The following KSR1 variants were observed in gnomAD, a reference collection of about 807,000 sequenced individuals.
KSR1 encodes kinase suppressor of ras.
Under a neutral mutation model 92.9 loss-of-function variants are expected in KSR1, and 35 were observed. That is an observed-to-expected ratio of 0.38 (90% CI 0.29 to 0.50). The LOEUF (loss-of-function observed/expected upper bound fraction) is 0.50, where lower values mean the gene tolerates loss of function less well. Among genes scored for constraint, KSR1 ranks in the 20% least tolerant of loss-of-function variants. The probability of loss-of-function intolerance (pLI) is 0.94; values close to 1 mark genes in which losing one functional copy is unlikely to be tolerated. For synonymous variants in KSR1, 467 were observed against 472.6 expected, an observed-to-expected ratio of 0.99 and a Z score of 0.15; for missense variants, 972 against 1,158.5, an observed-to-expected ratio of 0.84 and a Z score of 2.34.
At chr17:27,597,461 G>A (rs748840122) in intron 10 of KSR1, 25 bp downstream of exon 10, 4 of 1,577,450 alleles carry the variant, frequency 2.5e-6, no homozygotes, top group East Asian at 2.2e-5. Context: ...GGCTTTTCTG[G>A]GTTCTAAGGG....
chr17:27,468,803 G>A (rs994114998), intron 1 of KSR1, among the ~76,000 whole-genome samples: 3 of 152,032 alleles, frequency 2.0e-5, no homozygotes, highest in Non-Finnish European at 4.4e-5. Context: ...GTCCCCCGCC[G>A]CACCTGAAAC....
chr17:27,606,390 C>A (rs905741341), intron 14 of KSR1, among the ~76,000 whole-genome samples: 2 of 152,236 alleles, frequency 1.3e-5, no homozygotes, highest in African/African-American at 4.8e-5. Context: ...GTTAACATTC[C>A]TTCTGTTAAA....
chr17:27,584,008 T>C, intron 4 of KSR1: 1 of 979,974 alleles, frequency 1.0e-6, no homozygotes, highest in Non-Finnish European at 1.2e-6. Flanking sequence ...ATTATTTCGT[T>C]GTATAGTTTA....
chr17:27,580,270 A>G (rs2072698579), intron 3 of KSR1, among the ~76,000 whole-genome samples: 1 of 152,202 alleles, frequency 6.6e-6, no homozygotes, highest in Non-Finnish European at 1.5e-5. Context: ...AGGCCAGTCT[A>G]TGAGCTACAG....
At chr17:27,475,585 C>T (rs2068316873) in intron 1 of KSR1, among the ~76,000 whole-genome samples, 1 of 152,202 alleles carries the variant, frequency 6.6e-6, no homozygotes, top group African/African-American at 2.4e-5. Flanking sequence ...CATGCTGGCA[C>T]CTGCCCGGTA....
intron 1 of KSR1, chr17:27,526,810 G>T: frequency 2.1e-6 from 2 of 933,952 alleles, no homozygotes; most frequent in Non-Finnish European, 3.3e-6. Context: ...GGGCCGTGGC[G>T]TGGTATTTGG....
chr17:27,541,243 A>G (rs1375739514), intron 1 of KSR1, among the ~76,000 whole-genome samples: 1 of 152,238 alleles, frequency 6.6e-6, no homozygotes, highest in Non-Finnish European at 1.5e-5. Context: ...TGCACCTGCC[A>G]CAGGAGGACT....
chr17:27,614,086 G>A (rs1296658752), intron 18 of KSR1, among the ~76,000 whole-genome samples: 3 of 152,238 alleles, frequency 2.0e-5, no homozygotes, highest in Non-Finnish European at 4.4e-5. Context: ...ACAGGCATGA[G>A]CCCCCATGCC....
intron 1 of KSR1, among the ~76,000 whole-genome samples, chr17:27,465,966 G>A (rs763545949): frequency 1.4e-4 from 21 of 152,242 alleles, no homozygotes; most frequent in Non-Finnish European, 2.9e-4. Flanking sequence ...GCTCAGTGCA[G>A]CCTTTCTGTA....
At chr17:27,563,980 G>GTTTTTTTTTTTTTTTTTTTTTTTT (rs1567832073) in intron 2 of KSR1, among the ~76,000 whole-genome samples, 1 of 82,654 alleles carries the variant, frequency 1.2e-5, no homozygotes. Flanking sequence ...GTATTCGGTA[G>GTTTTTTTTTTTTTTTTTTTTTTTT]CTTTTTTTTT....
Position 27,588,524 on chromosome 17 carries a change from G to A in KSR1, c.1035G>A (p.Ser345=), listed in dbSNP as rs183240303. 119 of 1,592,248 alleles carry A rather than the reference G, an allele frequency of 7.5e-5. No individual in the cohort carries two copies. Among genetic ancestry groups the A allele is most frequent in the African/African-American group, 5.6e-4 (42 of 74,692 alleles). ...PQMVRRDIGL[S]VTHRFSTKSW... ...TGGTACGGAGGGATATCGGGCTGTC[G>A]GTGACGCACAGGTAGGCACAGCGGG... The change falls in exon 6 of 21, where the codon TCG becomes TCA. Residue 345 remains serine, a synonymous_variant. Transcript: ENST00000644974.
Position 27,577,312 on chromosome 17 carries a change from C to T in KSR1, c.373-180C>T. The T allele has an allele frequency of 3.5e-6, 2 of 567,724 alleles. No individual in the cohort carries two copies. The highest frequency in any genetic ancestry group is 4.2e-5 in the South Asian group (2 of 47,940). The allele number at this position is 567,724 out of a possible 1,614,324, so 35.2% of individuals were successfully genotyped here. A position where few individuals can be genotyped will look rare whatever the true frequency, so the allele number is the denominator to read the frequency against. On this transcript the variant is annotated intron_variant, in intron 2 of 20. Coordinates refer to ENST00000644974, the MANE Select transcript of KSR1 (RefSeq NM_001394583.1). The surrounding 1 kb of genome is among the most constrained non-coding windows in gnomAD (Gnocchi z 4.5). ...CTGCTTCAGCTGCTGTCTCTGGGAG[C>T]CTGGAGGGTGGGGGCCAGGGAGCTC...
intron 1 of KSR1, among the ~76,000 whole-genome samples, chr17:27,507,217 GAGGTCA>G (rs1370100492): frequency 6.6e-6 from 1 of 152,104 alleles, no homozygotes; most frequent in Non-Finnish European, 1.5e-5. Context: ...GGCAGATTAC[GAGGTCA>G]GGAATTCAAG....
intron 1 of KSR1, among the ~76,000 whole-genome samples, chr17:27,528,535 C>T (rs185730451): frequency 2.6e-5 from 4 of 152,242 alleles, no homozygotes; most frequent in Admixed American, 2.0e-4. Flanking sequence ...CCAGGAGAGA[C>T]CTGTACTTCT....
chr17:27,461,186 A>G (rs1475870987), intron 1 of KSR1, among the ~76,000 whole-genome samples: 2 of 152,070 alleles, frequency 1.3e-5, no homozygotes, highest in Non-Finnish European at 2.9e-5. Flanking sequence ...GGTTCAAGCA[A>G]TTCTCCTGCC....
intron 3 of KSR1, among the ~76,000 whole-genome samples, chr17:27,580,818 G>T (rs946161498): frequency 1.3e-5 from 2 of 152,188 alleles, no homozygotes; most frequent in Non-Finnish European, 2.9e-5. Flanking sequence ...ACGGCCTGGA[G>T]TGCAGTGGCG....
At chr17:27,488,496 A>G (rs896522635) in intron 1 of KSR1, among the ~76,000 whole-genome samples, 7 of 152,256 alleles carry the variant, frequency 4.6e-5, no homozygotes, top group African/African-American at 1.7e-4. Flanking sequence ...CAATGCTGCA[A>G]TAATTTTTCT....
chr17:27,609,310 G>C lies in KSR1; in HGVS notation c.2206G>C (p.Gly736Arg), dbSNP rs767131563. 1 of 1,613,888 alleles carries C rather than the reference G, an allele frequency of 6.2e-7. No homozygotes were observed. The highest frequency in any genetic ancestry group is 1.3e-5 in the African/African-American group (1 of 74,928). The change falls in exon 16 of 21, where the codon GGC becomes CGC. Residue 736 changes from glycine to arginine, a missense_variant. Gly to Arg is a moderately radical substitution (Grantham distance 125). Around this residue, in one of 5 missense-constraint regions of KSR1, gnomAD observed 260 missense variants for 375.2 expected, o/e 0.69. Transcript: ENST00000644974. ...AGACTTCGGGCTGTTTGGGATCTCA[G>C]GCGTGGTCCGAGAGGGACGGTGAGT... ...ITDFGLFGIS[G>R]VVREGRRENQ...
Position 27,559,718 on chromosome 17 carries a change from T to C in KSR1, c.372+9010T>C, listed in dbSNP as rs542158737. 4.4e-3 allele frequency among the ~76,000 whole-genome samples: 670 copies of C among 152,328 alleles called. 4 individuals carry two copies. The highest frequency in any genetic ancestry group is 0.015 in the African/African-American group (643 of 41,570). ...TTGGAGCCAGTGGGCCAACTCATCCTGGGTAGTCAGGGAAAGACGGATGTC... is the reference window on the plus strand; with the variant it reads ...TTGGAGCCAGTGGGCCAACTCATCCCGGGTAGTCAGGGAAAGACGGATGTC... On this transcript the variant is annotated intron_variant, in intron 2 of 20. Transcript: ENST00000644974. This position sits in a 1 kb window ranked among gnomAD's most constrained non-coding sequence, Gnocchi z 4.2.
Sources: gnomAD v4.1 joint callset for allele counts (sites outside exome capture counted in the v4.1 genomes callset) on GRCh38, gnomAD v4.1.1 for gene constraint, gnomAD v4.1.1 regional missense constraint, Gnocchi (gnomAD v3.1) non-coding constraint, MANE v1.5 for transcripts, NCBI Gene and HGNC (gene_info 2026-07-23, HGNC 2026-07-21) for gene names.